STOML3: variants seen among roughly 807,000 people sequenced by gnomAD.
STOML3 encodes stomatin like 3, also known as stomatin-like protein 3.
STOML3 carries 31 observed loss-of-function variants against 29.5 expected under a neutral mutation model. That is an observed-to-expected ratio of 1.05 (90% CI 0.79 to 1.42). The LOEUF (loss-of-function observed/expected upper bound fraction) is 1.42, where lower values mean the gene tolerates loss of function less well. Among genes scored for constraint, STOML3 ranks in the 40% most tolerant of loss-of-function variants. The pLI is 0.00. For synonymous variants in STOML3, 122 were observed against 139.8 expected (o/e 0.87, Z 0.90); for missense variants, 380 against 363.0 (o/e 1.05, Z -0.38).
chr13:38,976,513 C>T (rs777420045), intron 3 of STOML3, 27 bp downstream of exon 3: 1 of 1,613,368 alleles, frequency 6.2e-7, no homozygotes, highest in South Asian at 1.1e-5. Flanking sequence ...CCTGATCTTT[C>T]AGGGGCAGCC....
In STOML3 at chr13:38,968,544, A is replaced by C. The variant is rs1182126884; in HGVS notation, c.517-10T>G. On this transcript the variant is annotated splice_polypyrimidine_tract_variant and intron_variant, in intron 5 of 6. Transcript: ENST00000379631. The stretch of plus-strand genomic sequence containing the variant: ...CATCATCAAGTAAAGTCTGTTTCCA[A>C]ATTAAAAGGGAAGACTAATAAGAAA... 3.1e-6 allele frequency: 5 copies of C among 1,613,942 alleles called. No individual in the cohort carries two copies. Among genetic ancestry groups the C allele is most frequent in the Non-Finnish European group, 4.2e-6 (5 of 1,179,812 alleles).
At chr13:38,984,553 A>T (rs1868433070) in intron 1 of STOML3, among the ~76,000 whole-genome samples, 1 of 152,198 alleles carries the variant, frequency 6.6e-6, no homozygotes, top group South Asian at 2.1e-4. Flanking sequence ...AATACTTACC[A>T]TAGTGTTACA....
intron 6 of STOML3, 111 bp downstream of exon 6, chr13:38,968,289 C>A (rs1880729071): frequency 2.1e-6 from 3 of 1,446,352 alleles, no homozygotes; most frequent in Non-Finnish European, 2.8e-6. Context: ...TGAAAAGAAA[C>A]CCCTTTCTCA....
chr13:38,967,086 G>A (rs1300603404), intron 6 of STOML3, 37 bp from the exon 7 acceptor site: 2 of 1,580,790 alleles, frequency 1.3e-6, no homozygotes, highest in South Asian at 1.1e-5. Flanking sequence ...AGAAATAAAA[G>A]TTTACACTAT....
At chr13:38,977,903 G>C (rs1881143903) in intron 1 of STOML3, among the ~76,000 whole-genome samples, 1 of 151,566 alleles carries the variant, frequency 6.6e-6, no homozygotes, top group Admixed American at 6.6e-5. Context: ...GGGACTACAG[G>C]CTCCCGCCAC....
chr13:38,988,617 A>ATATATAATATATTATATATCATATATTT (rs1267824775), intron 1 of STOML3, among the ~76,000 whole-genome samples: 4 of 121,736 alleles, frequency 3.3e-5, no homozygotes, highest in Admixed American at 1.0e-4. Context: ...CATATATTTT[A>ATATATAATATATTATATATCATATATTT]TATATAATAT....
chr13:38,973,669 A>G (rs1317412226), intron 3 of STOML3, among the ~76,000 whole-genome samples: 1 of 152,154 alleles, frequency 6.6e-6, no homozygotes, highest in African/African-American at 2.4e-5. Flanking sequence ...GGGGGACACA[A>G]ATACTCAGAC....
chr13:38,970,995 T>G (rs1225442190), intron 4 of STOML3, among the ~76,000 whole-genome samples: 1 of 151,930 alleles, frequency 6.6e-6, no homozygotes, highest in Non-Finnish European at 1.5e-5. Context: ...CTACTGTAGG[T>G]CACTAAGCAT....
chr13:38,983,487 G>C (rs1881336729), intron 1 of STOML3, among the ~76,000 whole-genome samples: 1 of 152,096 alleles, frequency 6.6e-6, no homozygotes, highest in Admixed American at 6.6e-5. Flanking sequence ...GGTCCATCTA[G>C]ATAATGGTTT....
chr13:38,987,134 T>C (rs557381919), intron 1 of STOML3, among the ~76,000 whole-genome samples: 4 of 152,182 alleles, frequency 2.6e-5, no homozygotes, highest in Admixed American at 6.5e-5. Flanking sequence ...CCATTTCCAC[T>C]GTGTAAATAT....
chr13:38,989,988 C>T (rs1868935429), intron 1 of STOML3, among the ~76,000 whole-genome samples: 1 of 152,018 alleles, frequency 6.6e-6, no homozygotes, highest in Non-Finnish European at 1.5e-5. Context: ...TTTAAACTTT[C>T]CAATGCTCAG....
Position 38,976,773 on chromosome 13 carries a change from A to ACACCAAGC in STOML3, c.69_76dup (p.Val26GlyfsTer17). The ACACCAAGC allele has an allele frequency of 6.2e-7, 1 of 1,613,882 alleles. No homozygotes were observed. The highest frequency in any genetic ancestry group is 8.5e-7 in the Non-Finnish European group (1 of 1,179,878). The stretch of plus-strand genomic sequence containing the variant: ...GAGGGAAAACAGGATCCAGCCACAT[A>ACACCAAGC]CACCAAGCCGTTTATTGTTGACACC... On this transcript the variant is annotated frameshift_variant, in exon 2 of 7. Transcript: ENST00000379631. LOFTEE classifies it high-confidence loss of function.
chr13:38,981,800 C>T (rs565328966), intron 1 of STOML3, among the ~76,000 whole-genome samples: 1 of 152,242 alleles, frequency 6.6e-6, no homozygotes, highest in East Asian at 1.9e-4. Context: ...AACTAGAGTA[C>T]TCATATGTGC....
chr13:38,989,703 C>G (rs1004361274), intron 1 of STOML3, among the ~76,000 whole-genome samples: 3 of 152,044 alleles, frequency 2.0e-5, no homozygotes, highest in Non-Finnish European at 4.4e-5. Flanking sequence ...TGCCATTTTG[C>G]CCAGGCTGGT....
intron 1 of STOML3, among the ~76,000 whole-genome samples, chr13:38,982,467 AC>A (rs762994701): frequency 1.3e-5 from 2 of 152,206 alleles, no homozygotes; most frequent in Non-Finnish European, 2.9e-5. Context: ...TCGGGAGCTA[AC>A]CTTTGGAATA....
intron 1 of STOML3, among the ~76,000 whole-genome samples, chr13:38,977,016 GA>G (rs1881105414): frequency 6.6e-6 from 1 of 152,108 alleles, no homozygotes; most frequent in African/African-American, 2.4e-5. Flanking sequence ...TTCCTTCCAA[GA>G]AAAATATCAT....
At chr13:38,971,962 G>A (rs1218166281) in intron 4 of STOML3, among the ~76,000 whole-genome samples, 2 of 152,016 alleles carry the variant, frequency 1.3e-5, no homozygotes, top group African/African-American at 2.4e-5. Context: ...AAAGACTTAC[G>A]CAAAATACAA....
At chr13:38,973,396 C>T (rs1880961860) in intron 3 of STOML3, among the ~76,000 whole-genome samples, 1 of 152,162 alleles carries the variant, frequency 6.6e-6, no homozygotes. Flanking sequence ...TTATAAACAA[C>T]AGAAGTTTAT....
chr13:38,988,151 C>G (rs1175556559), intron 1 of STOML3, among the ~76,000 whole-genome samples: 3 of 80,114 alleles, frequency 3.7e-5, no homozygotes, highest in Non-Finnish European at 6.2e-5. Flanking sequence ...TATTTTATAT[C>G]ATATATTTTA....
Sources: allele counts gnomAD v4.1 joint callset (sites outside exome capture counted in the v4.1 genomes callset), GRCh38; gene constraint gnomAD v4.1.1; transcripts MANE v1.5; gene names NCBI Gene and HGNC (gene_info 2026-07-23, HGNC 2026-07-21).